Variants in ZNF618 observed in about 807,000 individuals in gnomAD.
ZNF618 encodes the protein zinc finger protein 618.
Under a neutral mutation model 103.0 loss-of-function variants are expected in ZNF618, and 34 were observed. The ratio of observed to expected loss-of-function variants is 0.33; its 90% CI spans 0.25 to 0.44. The LOEUF (loss-of-function observed/expected upper bound fraction) is 0.44, where lower values mean the gene tolerates loss of function less well. Among genes scored for constraint, ZNF618 ranks in the 20% least tolerant of loss-of-function variants. The probability of loss-of-function intolerance (pLI) is 1.00; values close to 1 mark genes in which losing one functional copy is unlikely to be tolerated. For missense variants in ZNF618, 1,059 were observed against 1,295.4 expected (o/e 0.82, Z 2.80); for synonymous variants, 551 against 542.2 (o/e 1.02, Z -0.23).
intron 1 of ZNF618, among the ~76,000 whole-genome samples, chr9:113,902,983 A>G (rs947022187): frequency 2.6e-5 from 4 of 152,276 alleles, no homozygotes; most frequent in Middle Eastern, 3.4e-3. Context: ...GGCCTTTTTT[A>G]TGATGTGTAC....
At chr9:113,988,188 G>T in intron 2 of ZNF618, 133 bp from the exon 3 acceptor site, 1 of 1,214,930 alleles carries the variant, frequency 8.2e-7, no homozygotes, top group Non-Finnish European at 1.1e-6. Context: ...GGTTGTGTGG[G>T]AGGCTAAGGG....
chr9:113,881,625 T>C (rs1478047000), intron 1 of ZNF618, among the ~76,000 whole-genome samples: 1 of 152,228 alleles, frequency 6.6e-6, no homozygotes, highest in Non-Finnish European at 1.5e-5. Flanking sequence ...AGCAGCCACA[T>C]GTGGCTGGTG....
intron 2 of ZNF618, among the ~76,000 whole-genome samples, chr9:113,977,399 T>A (rs572050612): frequency 6.6e-6 from 1 of 152,270 alleles, no homozygotes; most frequent in African/African-American, 2.4e-5. Flanking sequence ...AGAGGGAGTG[T>A]GTTTATCCTT....
intron 1 of ZNF618, among the ~76,000 whole-genome samples, chr9:113,952,414 A>G (rs1210445544): frequency 6.6e-6 from 1 of 151,920 alleles, no homozygotes; most frequent in Non-Finnish European, 1.5e-5. Context: ...GTGTCTGTCC[A>G]CCCCCTGATG....
At chr9:113,959,524 C>T (rs1836643383) in intron 1 of ZNF618, among the ~76,000 whole-genome samples, 1 of 152,238 alleles carries the variant, frequency 6.6e-6, no homozygotes, top group African/African-American at 2.4e-5. Flanking sequence ...GAAACTGTGC[C>T]TTGGGTGGTG....
chr9:113,949,607 G>T (rs1322591853), intron 1 of ZNF618, among the ~76,000 whole-genome samples: 2 of 152,092 alleles, frequency 1.3e-5, no homozygotes, highest in Non-Finnish European at 2.9e-5. Flanking sequence ...TCTGATTTCT[G>T]TCCCCAGGGG....
At chr9:114,043,029 T>C (rs995026758) in intron 13 of ZNF618, among the ~76,000 whole-genome samples, 2 of 152,236 alleles carry the variant, frequency 1.3e-5, no homozygotes, top group African/African-American at 2.4e-5. Flanking sequence ...TAACATACTT[T>C]TGAGGTTTGT....
At chr9:113,926,949 G>A (rs958093861) in intron 1 of ZNF618, among the ~76,000 whole-genome samples, 3 of 152,216 alleles carry the variant, frequency 2.0e-5, no homozygotes, top group Non-Finnish European at 2.9e-5. Flanking sequence ...GGAGGCAGAT[G>A]TTACAATGAG....
chr9:113,994,610 A>T (rs1244576385), intron 3 of ZNF618, among the ~76,000 whole-genome samples: 2 of 152,202 alleles, frequency 1.3e-5, no homozygotes, highest in Non-Finnish European at 2.9e-5. Context: ...TAGGTAGAAT[A>T]AAAGTCTGCC....
intron 1 of ZNF618, among the ~76,000 whole-genome samples, chr9:113,885,844 T>C (rs897929050): frequency 2.0e-5 from 3 of 152,178 alleles, no homozygotes; most frequent in South Asian, 2.1e-4. Context: ...GAGGTGAGGA[T>C]GGTATTGAGT....
In ZNF618 at chr9:114,049,615, C is replaced by T. The variant is rs1315524174; in HGVS notation, c.2313C>T (p.Phe771=). 1 of 1,613,852 alleles carries T rather than the reference C, an allele frequency of 6.2e-7. No homozygotes were observed. Among genetic ancestry groups the T allele is most frequent in the South Asian group, 1.1e-5 (1 of 91,084 alleles). ...LPTYVRLEKL[F]TAKANDAGTV... ...CCTACGTCAGGCTGGAGAAGCTGTT[C>T]ACGGCCAAGGCCAACGACGCAGGCA... Residue 771 remains phenylalanine (F), a synonymous_variant, in exon 15 of 15, where the codon TTC becomes TTT. Coordinates refer to ENST00000374126, the MANE Select transcript of ZNF618 (RefSeq NM_001318042.2).
At chr9:113,939,300 T>G (rs1007843845) in intron 1 of ZNF618, among the ~76,000 whole-genome samples, 1 of 152,160 alleles carries the variant, frequency 6.6e-6, no homozygotes, top group African/African-American at 2.4e-5. Flanking sequence ...TGTTTGTTGT[T>G]GTTGTTGTTG....
intron 1 of ZNF618, among the ~76,000 whole-genome samples, chr9:113,917,786 A>G (rs1832263344): frequency 6.6e-6 from 1 of 152,152 alleles, no homozygotes; most frequent in South Asian, 2.1e-4. Context: ...AAGATTTCAG[A>G]CTCATAAAAA....
chr9:114,018,441 C>T (rs895583068), intron 10 of ZNF618, among the ~76,000 whole-genome samples: 2 of 152,272 alleles, frequency 1.3e-5, no homozygotes, highest in African/African-American at 2.4e-5. Context: ...AATGCACTTT[C>T]AGTGAGGTGT....
intron 4 of ZNF618, among the ~76,000 whole-genome samples, chr9:114,001,285 G>T (rs1324285203): frequency 6.6e-6 from 1 of 151,742 alleles, no homozygotes; most frequent in African/African-American, 2.4e-5. Context: ...GGCTGGGGGG[G>T]CCAGGCATTT....
chr9:113,891,722 GA>G (rs1829631546), intron 1 of ZNF618, among the ~76,000 whole-genome samples: 2 of 152,168 alleles, frequency 1.3e-5, no homozygotes, highest in Non-Finnish European at 2.9e-5. Context: ...TCCATCTACA[GA>G]TGAATGGATA....
intron 2 of ZNF618, among the ~76,000 whole-genome samples, chr9:113,971,104 C>T (rs1837919548): frequency 6.6e-6 from 1 of 151,360 alleles, no homozygotes; most frequent in South Asian, 2.1e-4. Context: ...GTGTTTCTCT[C>T]CTGGGTCCCT....
At chr9:114,046,665 CT>C (rs922841172) in intron 13 of ZNF618, among the ~76,000 whole-genome samples, 16 of 152,276 alleles carry the variant, frequency 1.1e-4, no homozygotes, top group African/African-American at 3.1e-4. Flanking sequence ...ATGATGTTCG[CT>C]GTGGGGGTTC....
At chr9:113,879,552 ACCT>A (rs1258029919) in intron 1 of ZNF618, among the ~76,000 whole-genome samples, 6 of 150,090 alleles carry the variant, frequency 4.0e-5, no homozygotes, top group Non-Finnish European at 1.5e-5. Flanking sequence ...TGGCTCTCTC[ACCT>A]CCTATTTTAG....
Sources: allele counts gnomAD v4.1 joint callset (sites outside exome capture counted in the v4.1 genomes callset), GRCh38; gene constraint gnomAD v4.1.1; transcripts MANE v1.5; gene names NCBI Gene and HGNC (gene_info 2026-07-23, HGNC 2026-07-21).